The following SHTN1 variants were observed in gnomAD, a reference collection of about 807,000 sequenced individuals.
The protein encoded by SHTN1 is shootin 1.
Under a neutral mutation model 83.1 loss-of-function variants are expected in SHTN1, and 42 were observed. The observed-to-expected ratio is 0.51, with a 90% CI of 0.39 to 0.65. The LOEUF (loss-of-function observed/expected upper bound fraction) is 0.65. Ranked by LOEUF, SHTN1 falls within the 30% of genes least tolerant of loss-of-function variation. The pLI, the probability that SHTN1 is intolerant of heterozygous loss-of-function variation, is 0.00. For missense variants in SHTN1, 622 were observed against 737.8 expected (o/e 0.84, Z 1.82); for synonymous variants, 224 against 247.7 (o/e 0.90, Z 0.90).
At position 116,906,891 on chromosome 10, in the gene SHTN1, T is replaced by A. The variant is rs905764459; in HGVS notation, c.1360-144A>T. On this transcript the variant is annotated intron_variant, in intron 14 of 16. Transcript: ENST00000355371. Reference sequence around the variant, plus strand: ...GAATTTGCTATATATTAATATTTTTTAAATGTGCACATTTTCAACAAGACA... The same window carrying A: ...GAATTTGCTATATATTAATATTTTTAAAATGTGCACATTTTCAACAAGACA... 9.3e-6 allele frequency: 6 copies of A among 647,250 alleles called. No homozygotes were observed. In the African/African-American group the frequency reaches 9.4e-5, roughly 10 times the overall value. The allele number at this position is 647,250 out of a possible 1,614,324, so 40.1% of individuals were successfully genotyped here.
chr10:116,969,131 G>T (rs1271776403), intron 2 of SHTN1, among the ~76,000 whole-genome samples: 1 of 152,134 alleles, frequency 6.6e-6, no homozygotes, highest in Non-Finnish European at 1.5e-5. Context: ...GGAGGTAATG[G>T]AAAGACTACC....
At chr10:117,007,956 C>T (rs1469104636), upstream of SHTN1, among the ~76,000 whole-genome samples, 1 of 144,240 alleles carries the variant, frequency 6.9e-6, no homozygotes, top group Non-Finnish European at 1.5e-5. Flanking sequence ...TGCAGTGAGC[C>T]GAGATCATGC....
chr10:117,053,632 T>A (rs1431571747), intron 1 of SHTN1, among the ~76,000 whole-genome samples: 1 of 152,144 alleles, frequency 6.6e-6, no homozygotes, highest in African/African-American at 2.4e-5. Context: ...TGTGGAGACA[T>A]TGGAACCCTC....
chr10:116,910,783 C>CACGATCTTTTTT (rs1848161284), intron 14 of SHTN1, among the ~76,000 whole-genome samples: 1 of 152,198 alleles, frequency 6.6e-6, no homozygotes, highest in South Asian at 2.1e-4. Flanking sequence ...TAGATAATCA[C>CACGATCTTTTTT]CACATGCTTT....
rs1853343617 is a variant in SHTN1, at chr10:117,085,901, A to G, written c.-188-37391T>C. ...TATCCCTGATAATTTTCCTTGATCTAAAGTCTGCTTTGTCTGATTTTTTTT... is the reference window on the plus strand; with the variant it reads ...TATCCCTGATAATTTTCCTTGATCTGAAGTCTGCTTTGTCTGATTTTTTTT... On this transcript the variant is annotated intron_variant, in intron 1 of 17. Coordinates refer to the SHTN1 transcript ENST00000392901. 2.0e-5 allele frequency among the ~76,000 whole-genome samples: 3 copies of G among 150,704 alleles called. No homozygotes were observed. In the South Asian group the frequency reaches 6.3e-4, roughly 31 times the overall value.
chr10:117,118,713 T>C (rs1853884791), intron 1 of SHTN1, among the ~76,000 whole-genome samples: 1 of 151,978 alleles, frequency 6.6e-6, no homozygotes, highest in Non-Finnish European at 1.5e-5. Context: ...CACTTATAAG[T>C]GGGAGCTGAA....
At chr10:116,950,499 G>A (rs556307194) in intron 6 of SHTN1, among the ~76,000 whole-genome samples, 4 of 152,110 alleles carry the variant, frequency 2.6e-5, no homozygotes, top group Admixed American at 1.3e-4. Flanking sequence ...CTTCTCAGAT[G>A]TCTGAAATAG....
At chr10:117,078,186 C>T (rs1853190207) in intron 1 of SHTN1, among the ~76,000 whole-genome samples, 1 of 152,168 alleles carries the variant, frequency 6.6e-6, no homozygotes, top group Non-Finnish European at 1.5e-5. Context: ...GATCCTGAAG[C>T]ACGTCTTTGA....
chr10:116,997,843 A>T (rs11593277), intron 1 of SHTN1, among the ~76,000 whole-genome samples: 1 of 152,048 alleles, frequency 6.6e-6, no homozygotes, highest in Non-Finnish European at 1.5e-5. Context: ...CTGTAAACCC[A>T]GCACTTTGGG....
chr10:117,054,555 G>A (rs1196685444), intron 1 of SHTN1, among the ~76,000 whole-genome samples: 5 of 151,542 alleles, frequency 3.3e-5, no homozygotes, highest in South Asian at 2.1e-4. Flanking sequence ...ACAGGTGCCC[G>A]CCACCATGCC....
chr10:116,973,932 A>G, intron 2 of SHTN1: 1 of 1,276,800 alleles, frequency 7.8e-7, no homozygotes, highest in Middle Eastern at 2.1e-4. Context: ...CTACTGCTCC[A>G]CCTATGTAAG....
rs1437701548 is a variant in SHTN1, at chr10:116,927,839, T to A, written c.1065A>T (p.Pro355=). Residue 355 remains proline (P), a synonymous_variant, in exon 11 of 17, where the codon CCA becomes CCT. Transcript: ENST00000355371. ...GGGGAAGTGGTGGTGGAGGAGGAGGTGGTGGAGGTACTGAATTCTCAGACT... is the reference window on the plus strand; with the variant it reads ...GGGGAAGTGGTGGTGGAGGAGGAGGAGGTGGAGGTACTGAATTCTCAGACT... ...VNQSENSVPP[P]PPPPPPLPPP... The A allele has an allele frequency of 5.6e-6, 9 of 1,608,236 alleles. No individual in the cohort carries two copies. The highest frequency in any genetic ancestry group is 7.6e-6 in the Non-Finnish European group (9 of 1,177,550).
rs1222408043 is a variant in SHTN1, at chr10:116,884,230, C to T, written c.*2114G>A. 2.2e-6 allele frequency: 1 copy of T among 457,996 alleles called. No individual in the cohort carries two copies. Among genetic ancestry groups the T allele is most frequent in the South Asian group, 1.5e-5 (1 of 64,618 alleles). 28.4% of individuals were successfully genotyped at this position (457,996 alleles called of 1,614,324 possible). ...TATAAGCACGGTTCTCCTATGTCTT[C>T]CTATTTGGGATCCCTTGCTTTGGTT... On this transcript the variant is annotated 3_prime_UTR_variant, in exon 17 of 17. Transcript: ENST00000355371.
At chr10:117,010,089 G>C (rs1852080914), upstream of SHTN1, among the ~76,000 whole-genome samples, 1 of 151,918 alleles carries the variant, frequency 6.6e-6, no homozygotes, top group Admixed American at 6.6e-5. Context: ...ATGAAGATTA[G>C]AGTGGAGATA....
At chr10:116,972,248 T>G (rs1180458642) in intron 2 of SHTN1, among the ~76,000 whole-genome samples, 1 of 152,160 alleles carries the variant, frequency 6.6e-6, no homozygotes, top group Admixed American at 6.5e-5. Context: ...CCCAGCTGTG[T>G]TCTATCAGGG....
At chr10:116,910,525 A>G (rs914558143) in intron 14 of SHTN1, among the ~76,000 whole-genome samples, 1 of 152,208 alleles carries the variant, frequency 6.6e-6, no homozygotes, top group South Asian at 2.1e-4. Flanking sequence ...AGAGAATGGG[A>G]TATCTTGGCT....
chr10:116,989,153 T>C lies in SHTN1; in HGVS notation c.59-9845A>G, dbSNP rs550818280. On this transcript the variant is annotated intron_variant, in intron 1 of 16. Coordinates refer to ENST00000355371, the MANE Select transcript of SHTN1 (RefSeq NM_001127211.3). ...TGTATAAGAATGTAAGCAGAATTAT[T>C]ATATTTAGTAAACTTTTATGAGTTT... 2.0e-4 allele frequency among the ~76,000 whole-genome samples: 31 copies of C among 152,346 alleles called. 1 individual carries two copies. In the South Asian group the frequency reaches 6.4e-3, roughly 32 times the overall value.
chr10:116,957,197 T>C (rs1002700041), intron 4 of SHTN1, among the ~76,000 whole-genome samples: 11 of 118,418 alleles, frequency 9.3e-5, no homozygotes, highest in South Asian at 6.2e-4. Flanking sequence ...TATAGGTTAA[T>C]TGCATGCTAC....
intron 1 of SHTN1, among the ~76,000 whole-genome samples, chr10:117,063,192 G>T (rs1415663104): frequency 1.3e-5 from 2 of 152,064 alleles, no homozygotes; most frequent in African/African-American, 2.4e-5. Flanking sequence ...ATAATATCAT[G>T]GCTAGGAATC....
Sources: gnomAD v4.1 joint callset for allele counts (sites outside exome capture counted in the v4.1 genomes callset) on GRCh38, gnomAD v4.1.1 for gene constraint, MANE v1.5 for transcripts, NCBI Gene and HGNC (gene_info 2026-07-23, HGNC 2026-07-21) for gene names.